CSMD2: variants seen among roughly 807,000 people sequenced by gnomAD.
CSMD2 encodes CUB and Sushi multiple domains 2, also known as CUB and sushi domain-containing protein 2.
A neutral mutation model predicts 398.5 loss-of-function variants in CSMD2; 130 were observed. The ratio of observed to expected loss-of-function variants is 0.33; its 90% CI spans 0.28 to 0.38. The LOEUF (loss-of-function observed/expected upper bound fraction) is 0.38. CSMD2 is among the 10% of genes least tolerant of loss of function. CSMD2 has a pLI of 1.00. For missense variants in CSMD2, 3,829 were observed against 4,764.9 expected, an observed-to-expected ratio of 0.80 and a Z score of 5.78; for synonymous variants, 1,828 against 1,908.5, an observed-to-expected ratio of 0.96 and a Z score of 1.10.
intron 31 of CSMD2, among the ~76,000 whole-genome samples, chr1:33,634,869 T>C (rs1363101796): frequency 6.6e-6 from 1 of 152,110 alleles, no homozygotes; most frequent in Non-Finnish European, 1.5e-5. Context: ...CCACTCACCC[T>C]GGGTTCCTAA....
In CSMD2 at chr1:34,165,058, A is replaced by C; in HGVS notation, c.40T>G (p.Cys14Gly). The change falls in exon 1 of 71, where the codon TGC becomes GGC. Residue 14 changes from cysteine (C) to glycine (G), a missense_variant. Coordinates refer to ENST00000373381, the MANE Select transcript of CSMD2 (RefSeq NM_001281956.2). ...TCGCCGCGAGCCCTCCCCGCGGGGC[A>C]GCCGCAGCGCCCCAGCTCCCGTCCC... ...SRGRELGRCG[C>G]PAGRARGETG... The C allele has an allele frequency of 8.2e-7, 1 of 1,215,452 alleles. No homozygotes were observed. Among genetic ancestry groups the C allele is most frequent in the Non-Finnish European group, 1.0e-6 (1 of 977,432 alleles). 75.3% of individuals were successfully genotyped at this position (1,215,452 alleles called of 1,614,324 possible).
chr1:33,766,865 G>A (rs1167290934), intron 13 of CSMD2, among the ~76,000 whole-genome samples: 1 of 152,182 alleles, frequency 6.6e-6, no homozygotes, highest in Non-Finnish European at 1.5e-5. Flanking sequence ...AAGACCATAC[G>A]TTTTGAGTCT....
At chr1:34,087,772 G>A (rs927459151) in intron 2 of CSMD2, among the ~76,000 whole-genome samples, 3 of 152,106 alleles carry the variant, frequency 2.0e-5, no homozygotes, top group South Asian at 2.1e-4. Flanking sequence ...CCATGAAGGC[G>A]GTGGCTTTGT....
intron 56 of CSMD2, among the ~76,000 whole-genome samples, chr1:33,549,783 G>A (rs779684632): frequency 6.6e-6 from 1 of 152,120 alleles, no homozygotes; most frequent in African/African-American, 2.4e-5. Flanking sequence ...ACCTGAGCAC[G>A]AGTCTGAAAC....
chr1:33,892,409 T>C (rs1642085986), intron 5 of CSMD2, among the ~76,000 whole-genome samples: 3 of 152,190 alleles, frequency 2.0e-5, no homozygotes, highest in Admixed American at 6.5e-5. Context: ...GAGATTTTAG[T>C]CCACCCATCA....
At chr1:33,577,771 A>C (rs532719438) in intron 48 of CSMD2, among the ~76,000 whole-genome samples, 1 of 152,290 alleles carries the variant, frequency 6.6e-6, no homozygotes, top group Non-Finnish European at 1.5e-5. Flanking sequence ...TGTATGGCTA[A>C]GTTCAGGCTC....
intron 50 of CSMD2, 120 bp downstream of exon 50, chr1:33,572,386 T>C (rs1659670263): frequency 4.6e-6 from 4 of 877,728 alleles, no homozygotes; most frequent in African/African-American, 2.1e-5. Context: ...AACCTCCATG[T>C]CCATGTTTTT....
At chr1:34,131,513 G>C (rs769760151) in intron 1 of CSMD2, among the ~76,000 whole-genome samples, 3 of 151,968 alleles carry the variant, frequency 2.0e-5, no homozygotes, top group Non-Finnish European at 4.4e-5. Flanking sequence ...TATCAATCTT[G>C]GCATCCTGCA....
chr1:34,154,188 A>G (rs1640590563), intron 1 of CSMD2, among the ~76,000 whole-genome samples: 1 of 152,210 alleles, frequency 6.6e-6, no homozygotes, highest in Admixed American at 6.5e-5. Context: ...ATACAACGAG[A>G]TGGCACTTTA....
At chr1:34,091,178 A>C (rs1471487784) in intron 1 of CSMD2, among the ~76,000 whole-genome samples, 1 of 152,182 alleles carries the variant, frequency 6.6e-6, no homozygotes, top group Non-Finnish European at 1.5e-5. Flanking sequence ...CTGTCTTCTC[A>C]CCAGGCTGAA....
chr1:33,621,721 G>C (rs1641784162), intron 37 of CSMD2, among the ~76,000 whole-genome samples: 2 of 152,194 alleles, frequency 1.3e-5, no homozygotes, highest in African/African-American at 4.8e-5. Flanking sequence ...AGGGATGCCA[G>C]AAGCCAGGAT....
chr1:33,786,505 G>C (rs1242735892), intron 12 of CSMD2, among the ~76,000 whole-genome samples: 1 of 152,168 alleles, frequency 6.6e-6, no homozygotes, highest in Non-Finnish European at 1.5e-5. Context: ...CACCGGAACA[G>C]CCCGCTCATT....
In CSMD2 at chr1:33,673,104, T is replaced by C. The variant is rs1644571392; in HGVS notation, c.4053-10012A>G. 2.6e-5 allele frequency among the ~76,000 whole-genome samples: 4 copies of C among 152,368 alleles called. No individual in the cohort carries two copies. In the South Asian group the frequency reaches 8.3e-4, roughly 32 times the overall value. ...CTCCTCACCAGCAATGGAACAAAGC[T>C]GGACGGAGAATGACTTTGACGAGTT... On this transcript the variant is annotated intron_variant, in intron 25 of 70. Coordinates refer to ENST00000373381, the MANE Select transcript of CSMD2 (RefSeq NM_001281956.2).
rs188797585 is a variant in CSMD2, at chr1:33,650,198, G to A, written c.4586+2125C>T. On this transcript the variant is annotated intron_variant, in intron 28 of 70. Coordinates refer to ENST00000373381, the MANE Select transcript of CSMD2 (RefSeq NM_001281956.2). ...CGATATTCCAGGCACTGTGCAAGGT[G>A]CCAAGGACATGGGGACATGTAAGAC... 3.3e-5 allele frequency among the ~76,000 whole-genome samples: 5 copies of A among 152,330 alleles called. No individual in the cohort carries two copies. In the East Asian group the frequency reaches 9.6e-4, roughly 29 times the overall value.
At chr1:34,096,486 C>G (rs577409136) in intron 1 of CSMD2, among the ~76,000 whole-genome samples, 2 of 148,192 alleles carry the variant, frequency 1.3e-5, no homozygotes, top group Admixed American at 6.7e-5. Context: ...TCTTTGCAGA[C>G]GACATGATTG....
intron 3 of CSMD2, among the ~76,000 whole-genome samples, chr1:33,944,855 T>G (rs1644792822): frequency 1.3e-5 from 2 of 152,126 alleles, no homozygotes; most frequent in Admixed American, 1.3e-4. Context: ...TTTTACCATG[T>G]TGTAATCTTG....
At chr1:33,956,961 C>T (rs1315462923) in intron 3 of CSMD2, among the ~76,000 whole-genome samples, 2 of 151,966 alleles carry the variant, frequency 1.3e-5, no homozygotes, top group African/African-American at 4.8e-5. Flanking sequence ...CCCTTGATTC[C>T]TTCCTCACCA....
rs566848438 is a variant in CSMD2 at position 33,985,270 on chromosome 1, C to T, written c.517+47324G>A. On this transcript the variant is annotated intron_variant, in intron 3 of 70. Transcript: ENST00000373381. Reference sequence around the variant, plus strand: ...ACCCCACCCCTCCCTGGGAAGTAGTCACAGCTAAATTTAGCTGGGAGCTAG... The same window carrying T: ...ACCCCACCCCTCCCTGGGAAGTAGTTACAGCTAAATTTAGCTGGGAGCTAG... Among the ~76,000 whole-genome samples the T allele has an allele frequency of 2.0e-4, 31 of 152,278 alleles. 1 individual carries two copies. Among genetic ancestry groups the T allele is most frequent in the Non-Finnish European group, 3.8e-4 (26 of 68,020 alleles).
At chr1:34,029,524 G>C (rs530110251) in intron 3 of CSMD2, among the ~76,000 whole-genome samples, 39 of 152,150 alleles carry the variant, frequency 2.6e-4, no homozygotes, top group Non-Finnish European at 4.7e-4. Flanking sequence ...ATCCACTGTG[G>C]GTGTTCCAAA....
Sources: gnomAD v4.1 joint callset for allele counts (sites outside exome capture counted in the v4.1 genomes callset) on GRCh38, gnomAD v4.1.1 for gene constraint, MANE v1.5 for transcripts, NCBI Gene and HGNC (gene_info 2026-07-23, HGNC 2026-07-21) for gene names.